C2orf69: variants seen among roughly 807,000 people sequenced by gnomAD.
The protein encoded by C2orf69 is mitochondrial protein C2orf69.
A neutral mutation model predicts 29.5 loss-of-function variants in C2orf69; 19 were observed. The ratio of observed to expected loss-of-function variants is 0.65; its 90% CI spans 0.45 to 0.95. The LOEUF is 0.95. C2orf69 is among the 40% of genes least tolerant of loss of function. C2orf69 has a pLI of 0.00. For missense variants in C2orf69, 416 were observed against 482.1 expected (o/e 0.86, Z 1.28); for synonymous variants, 194 against 180.0 (o/e 1.08, Z -0.62).
intron 1 of C2orf69, among the ~76,000 whole-genome samples, chr2:199,921,056 G>C (rs2077314106): frequency 7.5e-6 from 1 of 132,506 alleles, no homozygotes; most frequent in African/African-American, 2.9e-5. Context: ...ACCCAGGATG[G>C]AGTGCAGTGG....
At position 199,926,129 on chromosome 2, in the gene C2orf69, T is replaced by C. The variant is rs1339729728; in HGVS notation, c.*243T>C. 1 of 448,824 alleles carries C rather than the reference T, an allele frequency of 2.2e-6. No individual in the cohort carries two copies. The highest frequency in any genetic ancestry group is 1.9e-5 in the African/African-American group (1 of 51,660). The allele number at this position is 448,824 out of a possible 1,614,324, so 27.8% of individuals were successfully genotyped here. On this transcript the variant is annotated 3_prime_UTR_variant, in exon 2 of 2. Coordinates refer to ENST00000319974, the MANE Select transcript of C2orf69 (RefSeq NM_153689.6). ...TGAAATCTAACAAGGTGGTTTGTAA[T>C]AATGCTGAGGAGATATAAGACCCTT... is the stretch of plus-strand genomic sequence containing the variant.
At chr2:199,919,506 T>C (rs538301855) in intron 1 of C2orf69, among the ~76,000 whole-genome samples, 10 of 152,194 alleles carry the variant, frequency 6.6e-5, no homozygotes, top group Non-Finnish European at 1.5e-4. Context: ...TCTAGCCTGC[T>C]TACTTCAGAT....
Position 199,913,349 on chromosome 2 carries a change from T to TTC in C2orf69, c.333+1579_333+1580insCT, listed in dbSNP as rs2077279572. Reference sequence around the variant, plus strand: ...AATATATATTCTATTATAATATATATTATATATAATATATTCTATTATGAT... The same window carrying TTC: ...AATATATATTCTATTATAATATATATTCTATATATAATATATTCTATTATGAT... On this transcript the variant is annotated intron_variant, in intron 1 of 1. Coordinates refer to ENST00000319974, the MANE Select transcript of C2orf69 (RefSeq NM_153689.6). Among the ~76,000 whole-genome samples, 3 of 83,822 alleles carry TTC rather than the reference T, an allele frequency of 3.6e-5. No homozygotes were observed. The Admixed American group carries it at 5.4e-4, about 15-fold the overall frequency. 55.0% of individuals were successfully genotyped at this position (83,822 alleles called of 152,430 possible). A position where few individuals can be genotyped will look rare whatever the true frequency, so the allele number is the denominator to read the frequency against.
At position 199,925,044 on chromosome 2, in the gene C2orf69, A is replaced by G. The variant is rs377702460; in HGVS notation, c.334-18A>G. 23 of 1,439,020 alleles carry G rather than the reference A, an allele frequency of 1.6e-5. No individual in the cohort carries two copies. The highest frequency in any genetic ancestry group is 2.8e-5 in the African/African-American group (2 of 70,468). 89.1% of individuals were successfully genotyped at this position (1,439,020 alleles called of 1,614,324 possible). On this transcript the variant is annotated intron_variant, in intron 1 of 1. Coordinates refer to ENST00000319974, the MANE Select transcript of C2orf69 (RefSeq NM_153689.6). The surrounding 1 kb of genome is among the most constrained non-coding windows in gnomAD (Gnocchi z 4.9). ...TAAATATGTATTTAATACTTATTTC[A>G]TCTTTCTTACCTTTCAGAATTACCA...
chr2:199,911,867 C>G (rs1028429885), intron 1 of C2orf69, 96 bp downstream of exon 1: 2 of 1,490,426 alleles, frequency 1.3e-6, no homozygotes, highest in East Asian at 2.5e-5. Context: ...GGTTCCTTTC[C>G]TTGCCTGAAC....
At position 199,918,035 on chromosome 2, in the gene C2orf69, T is replaced by C. The variant is rs117480521; in HGVS notation, c.333+6264T>C. ...AGCAAAGAGGGGGATGAGCCCCTTA[T>C]AAAACCATCTTGTAAAAACTCACTG... is the stretch of plus-strand genomic sequence containing the variant. On this transcript the variant is annotated intron_variant, in intron 1 of 1. Coordinates refer to ENST00000319974, the MANE Select transcript of C2orf69 (RefSeq NM_153689.6). Among the ~76,000 whole-genome samples the C allele has an allele frequency of 8.4e-3, 1,279 of 152,270 alleles. 33 individuals are homozygous for C. The East Asian group carries it at 0.09, about 11-fold the overall frequency.
intron 1 of C2orf69, among the ~76,000 whole-genome samples, chr2:199,919,920 A>G (rs2077307322): frequency 6.6e-6 from 1 of 152,210 alleles, no homozygotes; most frequent in South Asian, 2.1e-4. Flanking sequence ...GATTTCCTAA[A>G]AATCCATTGT....
Position 199,911,429 on chromosome 2 carries a change from G to T in C2orf69, c.-10G>T. ...CCTCCACCTCCGAACCGCTCTCGCG[G>T]CGGCGACCCATGTGGGGGTTCAGGC... On this transcript the variant is annotated 5_prime_UTR_variant, in exon 1 of 2. Coordinates refer to ENST00000319974, the MANE Select transcript of C2orf69 (RefSeq NM_153689.6). The T allele has an allele frequency of 6.6e-7, 1 of 1,510,522 alleles. No individual in the cohort carries two copies. Among genetic ancestry groups the T allele is most frequent in the Non-Finnish European group, 8.9e-7 (1 of 1,129,896 alleles). 93.6% of individuals were successfully genotyped at this position (1,510,522 alleles called of 1,614,324 possible). A position where few individuals can be genotyped will look rare whatever the true frequency, so the allele number is the denominator to read the frequency against.
chr2:199,917,094 G>T lies in C2orf69; in HGVS notation c.333+5323G>T, dbSNP rs374419687. Among the ~76,000 whole-genome samples, 58 of 152,214 alleles carry T rather than the reference G, an allele frequency of 3.8e-4. 1 individual carries two copies. The highest frequency in any genetic ancestry group is 1.3e-3 in the East Asian group (7 of 5,190). ...ACAGGCCCAACATCACATGTAAGCT[G>T]CCAAGGCTTGGGCTTGCACACTCTG... is the stretch of plus-strand genomic sequence containing the variant. On this transcript the variant is annotated intron_variant, in intron 1 of 1. Transcript: ENST00000319974.
intron 1 of C2orf69, among the ~76,000 whole-genome samples, chr2:199,918,455 G>T (rs750773988): frequency 6.6e-6 from 1 of 152,056 alleles, no homozygotes; most frequent in Non-Finnish European, 1.5e-5. Flanking sequence ...TCCGTCTCCC[G>T]GGTTCAAGCA....
At chr2:199,913,198 A>G (rs1374177584) in intron 1 of C2orf69, among the ~76,000 whole-genome samples, 4 of 99,922 alleles carry the variant, frequency 4.0e-5, no homozygotes, top group East Asian at 2.4e-4. Flanking sequence ...TATATTATAT[A>G]TAATATATAA....
chr2:199,925,608 A>C lies in C2orf69; in HGVS notation c.880A>C (p.Arg294=). The C allele has an allele frequency of 6.2e-7, 1 of 1,613,970 alleles. No homozygotes were observed. The highest frequency in any genetic ancestry group is 1.1e-5 in the South Asian group (1 of 91,078). The change falls in exon 2 of 2, where the codon AGA becomes CGA. Residue 294 remains arginine (R), a synonymous_variant. Coordinates refer to ENST00000319974, the MANE Select transcript of C2orf69 (RefSeq NM_153689.6). This position sits in a 1 kb window ranked among gnomAD's most constrained non-coding sequence, Gnocchi z 4.9. ...KNIDAFIKSI[R]TMYWLDGGHS... is the part of the protein sequence containing the mutation. ...CATAGATGCTTTTATCAAAAGCATA[A>C]GAACAATGTATTGGCTGGATGGTGG...
intron 1 of C2orf69, among the ~76,000 whole-genome samples, chr2:199,918,315 G>T (rs2077301411): frequency 6.6e-6 from 1 of 151,920 alleles, no homozygotes; most frequent in South Asian, 2.1e-4. Context: ...AAAGCCTTGG[G>T]TATATAATTA....
chr2:199,916,501 G>A (rs2077293315), intron 1 of C2orf69, among the ~76,000 whole-genome samples: 1 of 152,108 alleles, frequency 6.6e-6, no homozygotes, highest in Admixed American at 6.5e-5. Context: ...CTAAGTCCAA[G>A]TTTCATCTGA....
In C2orf69 at chr2:199,911,412, T is replaced by A. The variant is rs1450575236; in HGVS notation, c.-27T>A. The A allele has an allele frequency of 2.7e-6, 4 of 1,493,110 alleles. No individual in the cohort carries two copies. Among genetic ancestry groups the A allele is most frequent in the Non-Finnish European group, 3.6e-6 (4 of 1,123,112 alleles). The allele number at this position is 1,493,110 out of a possible 1,614,324, so 92.5% of individuals were successfully genotyped here. The stretch of plus-strand genomic sequence containing the variant: ...AGGAACCCCTCCGCCACCCTCCACC[T>A]CCGAACCGCTCTCGCGGCGGCGACC... On this transcript the variant is annotated 5_prime_UTR_variant, in exon 1 of 2. Coordinates refer to ENST00000319974, the MANE Select transcript of C2orf69 (RefSeq NM_153689.6).
intron 1 of C2orf69, among the ~76,000 whole-genome samples, chr2:199,912,995 C>T (rs1048604723): frequency 6.7e-6 from 1 of 148,778 alleles, no homozygotes; most frequent in Non-Finnish European, 1.5e-5. Context: ...AAATTGGTGC[C>T]TTAAAATGAC....
Position 199,911,710 on chromosome 2 carries a change from C to A in C2orf69, c.272C>A (p.Ala91Glu). 6.5e-7 allele frequency: 1 copy of A among 1,545,100 alleles called. No individual in the cohort carries two copies. The change falls in exon 1 of 2, where the codon GCG becomes GAG. Residue 91 changes from alanine to glutamate, a missense_variant. Transcript: ENST00000319974. ...LERQDLPGDP[A>E]KEEPQPPPQH... Reference sequence around the variant, plus strand: ...CGGCAGGACCTCCCCGGGGACCCAGCGAAGGAGGAGCCGCAGCCGCCGCCC... The same window carrying A: ...CGGCAGGACCTCCCCGGGGACCCAGAGAAGGAGGAGCCGCAGCCGCCGCCC...
intron 1 of C2orf69, 82 bp downstream of exon 1, chr2:199,911,853 G>C (rs1415246666): frequency 1.3e-6 from 2 of 1,522,130 alleles, no homozygotes; most frequent in African/African-American, 1.4e-5. Context: ...CGTGGCTGCT[G>C]CCTGGTTCCT....
At chr2:199,919,170 G>T (rs960631293) in intron 1 of C2orf69, among the ~76,000 whole-genome samples, 2 of 151,880 alleles carry the variant, frequency 1.3e-5, no homozygotes, top group African/African-American at 4.8e-5. Context: ...GCCTAGGCTG[G>T]TCTCAAACCC....
Sources: allele counts gnomAD v4.1 joint callset (sites outside exome capture counted in the v4.1 genomes callset), GRCh38; gene constraint gnomAD v4.1.1; non-coding constraint Gnocchi (gnomAD v3.1); transcripts MANE v1.5; gene names NCBI Gene and HGNC (gene_info 2026-07-23, HGNC 2026-07-21).